Variants in NRG1 observed in about 807,000 individuals in gnomAD.
The protein encoded by NRG1 is pro-neuregulin-1, membrane-bound isoform.
NRG1 carries 18 observed loss-of-function variants against 63.8 expected under a neutral mutation model. The ratio of observed to expected loss-of-function variants is 0.28; its 90% CI spans 0.19 to 0.42. NRG1 has a LOEUF of 0.42. NRG1 is among the 10% of genes least tolerant of loss of function. The pLI, the probability that NRG1 is intolerant of heterozygous loss-of-function variation, is 1.00. For missense variants in NRG1, 762 were observed against 814.7 expected, an observed-to-expected ratio of 0.94 and a Z score of 0.79; for synonymous variants, 302 against 301.3, an observed-to-expected ratio of 1.00 and a Z score of -0.02.
At chr8:32,524,870 C>T (rs925486589) in intron 1 of NRG1, among the ~76,000 whole-genome samples, 1 of 152,184 alleles carries the variant, frequency 6.6e-6, no homozygotes, top group African/African-American at 2.4e-5. Context: ...CCGCTCATCA[C>T]ATGAATAGAA....
In NRG1 at chr8:32,530,555, G is replaced by T. The variant is rs560342130; in HGVS notation, c.38-65273G>T. Among the ~76,000 whole-genome samples, 6 of 152,230 alleles carry T rather than the reference G, an allele frequency of 3.9e-5. No individual in the cohort carries two copies. In the East Asian group the frequency reaches 1.2e-3, roughly 29 times the overall value. ...AAATGGCTTTGATAATCTTGTAATT[G>T]GATTTATATGCCTTTGAGTCTCTCA... On this transcript the variant is annotated intron_variant, in intron 1 of 10. Transcript: ENST00000519301.
intron 1 of NRG1, among the ~76,000 whole-genome samples, chr8:32,004,713 T>C (rs1813471832): frequency 6.6e-6 from 1 of 151,684 alleles, no homozygotes; most frequent in South Asian, 2.1e-4. Context: ...TACTTATAAA[T>C]AAACAAGAAA....
chr8:31,712,992 TCCA>T (rs1208101779), intron 1 of NRG1, among the ~76,000 whole-genome samples: 2,726 of 43,036 alleles, frequency 0.063, 70 homozygotes, highest in African/African-American at 0.17. Flanking sequence ...CACCCATCCA[TCCA>T]TCCATCCATC....
At chr8:31,854,578 AT>A (rs1400206776) in intron 1 of NRG1, among the ~76,000 whole-genome samples, 1 of 151,866 alleles carries the variant, frequency 6.6e-6, no homozygotes, top group African/African-American at 2.4e-5. Flanking sequence ...GGATTCATTA[AT>A]TTTTTGAAGG....
Position 32,342,099 on chromosome 8 carries a change from C to T in NRG1, c.38-253729C>T, listed in dbSNP as rs546876718. 3.9e-5 allele frequency among the ~76,000 whole-genome samples: 6 copies of T among 152,248 alleles called. No individual in the cohort carries two copies. The East Asian group carries it at 1.2e-3, about 29-fold the overall frequency. ...TTATGATGTCAAAGACTGTGTCAGT[C>T]AAGTCTGTCTCTATGTCATTTGAGT... On this transcript the variant is annotated intron_variant, in intron 1 of 10. Transcript: ENST00000519301.
At chr8:32,585,384 AG>A in intron 1 of NRG1, among the ~76,000 whole-genome samples, 1 of 152,190 alleles carries the variant, frequency 6.6e-6, no homozygotes, top group African/African-American at 2.4e-5. Flanking sequence ...TCTTATAATT[AG>A]GGGCAGCTGT....
At chr8:31,799,270 G>A (rs903455882) in intron 1 of NRG1, among the ~76,000 whole-genome samples, 3 of 152,064 alleles carry the variant, frequency 2.0e-5, no homozygotes, top group Non-Finnish European at 4.4e-5. Flanking sequence ...TACTACATAA[G>A]TTGAAGAAAG....
chr8:32,071,443 G>C (rs1825744234), intron 1 of NRG1, among the ~76,000 whole-genome samples: 1 of 152,286 alleles, frequency 6.6e-6, no homozygotes, highest in South Asian at 2.1e-4. Context: ...TGTTTCTAAA[G>C]ATTTGCATGA....
intron 1 of NRG1, among the ~76,000 whole-genome samples, chr8:31,666,922 T>C (rs867039228): frequency 5.3e-4 from 80 of 152,228 alleles, no homozygotes; most frequent in African/African-American, 1.4e-3. Context: ...AATAGTGCTC[T>C]AAGCTGTCAA....
intron 1 of NRG1, among the ~76,000 whole-genome samples, chr8:31,868,860 G>A (rs559084921): frequency 1.3e-5 from 2 of 152,188 alleles, no homozygotes; most frequent in Non-Finnish European, 2.9e-5. Flanking sequence ...ATCAACTTGC[G>A]TCTATATGAT....
At chr8:32,254,278 T>G (rs1359369358) in intron 1 of NRG1, among the ~76,000 whole-genome samples, 1 of 152,068 alleles carries the variant, frequency 6.6e-6, no homozygotes, top group African/African-American at 2.4e-5. Context: ...TTAACTGTGA[T>G]GTTAGGGTGT....
chr8:32,345,689 G>T (rs1804791477), intron 1 of NRG1, among the ~76,000 whole-genome samples: 1 of 152,096 alleles, frequency 6.6e-6, no homozygotes, highest in African/African-American at 2.4e-5. Context: ...AAAGTATATG[G>T]CCAGGTGCAG....
chr8:32,102,379 C>A (rs938927212), intron 1 of NRG1, among the ~76,000 whole-genome samples: 1 of 152,084 alleles, frequency 6.6e-6, no homozygotes, highest in Non-Finnish European at 1.5e-5. Context: ...CTCAAGCTTT[C>A]CTCCCTCCTT....
chr8:31,901,830 A>G (rs73244399), intron 1 of NRG1, among the ~76,000 whole-genome samples: 4 of 152,204 alleles, frequency 2.6e-5, no homozygotes, highest in South Asian at 2.1e-4. Flanking sequence ...GGTTATTGTC[A>G]TCATTCCTTT....
At position 32,754,262 on chromosome 8, in the gene NRG1, A is replaced by T. The variant is rs1053872249; in HGVS notation, c.692-110A>T. The T allele has an allele frequency of 4.7e-6, 4 of 854,246 alleles. No homozygotes were observed. In the African/African-American group the frequency reaches 6.6e-5, roughly 14 times the overall value. The allele number at this position is 854,246 out of a possible 1,614,324, so 52.9% of individuals were successfully genotyped here. The stretch of plus-strand genomic sequence containing the variant: ...AAACGTAAAGAATTGTCATGTATTT[A>T]TTTTCTTGTGAACATGGACAATGTC... On this transcript the variant is annotated intron_variant, in intron 7 of 11. Transcript: ENST00000356819.
At chr8:32,444,268 C>G (rs1030421244) in intron 1 of NRG1, among the ~76,000 whole-genome samples, 2 of 151,840 alleles carry the variant, frequency 1.3e-5, no homozygotes, top group Middle Eastern at 3.2e-3. Flanking sequence ...ACAGGTGTGC[C>G]CCTCCATGTG....
chr8:32,604,927 GTGATAATGT>G (rs751710240), intron 2 of NRG1, among the ~76,000 whole-genome samples: 2 of 152,074 alleles, frequency 1.3e-5, no homozygotes, highest in Non-Finnish European at 2.9e-5. Flanking sequence ...ATAAAACTAT[GTGATAATGT>G]TGCCCAAATA....
At chr8:32,545,022 A>T (rs1331299378), upstream of NRG1, among the ~76,000 whole-genome samples, 2 of 152,220 alleles carry the variant, frequency 1.3e-5, no homozygotes, top group African/African-American at 4.8e-5. Context: ...GTTAAAAGTG[A>T]CTATTTGCAG....
At chr8:32,462,734 G>A (rs535851649) in intron 1 of NRG1, among the ~76,000 whole-genome samples, 1 of 151,308 alleles carries the variant, frequency 6.6e-6, no homozygotes, top group African/African-American at 2.4e-5. Flanking sequence ...CTGCCGAGTA[G>A]CTGGGATTAC....
Sources: gnomAD v4.1 joint callset for allele counts (sites outside exome capture counted in the v4.1 genomes callset) on GRCh38, gnomAD v4.1.1 for gene constraint, MANE v1.5 for transcripts, NCBI Gene and HGNC (gene_info 2026-07-23, HGNC 2026-07-21) for gene names.